PCSK5: variants seen among roughly 807,000 people sequenced by gnomAD.
The protein encoded by PCSK5 is prohormone convertase 5.
Under a neutral mutation model 233.2 loss-of-function variants are expected in PCSK5, and 129 were observed. The observed-to-expected ratio is 0.55, with a 90% CI of 0.48 to 0.64. PCSK5 has a LOEUF of 0.64. PCSK5 is among the 30% of genes least tolerant of loss of function. The pLI is 0.00. For missense variants in PCSK5, 2,076 were observed against 2,430.1 expected (o/e 0.85, Z 3.06); for synonymous variants, 825 against 879.2 (o/e 0.94, Z 1.09).
At chr9:75,977,841 C>T (rs1385392178) in intron 2 of PCSK5, among the ~76,000 whole-genome samples, 1 of 151,872 alleles carries the variant, frequency 6.6e-6, no homozygotes, top group Non-Finnish European at 1.5e-5. Context: ...CGAGCTCTGA[C>T]CTCAGATGAT....
At chr9:76,096,190 TACACACACAC>T (rs3074177) in intron 8 of PCSK5, 88 bp downstream of exon 8, 35 of 591,574 alleles carry the variant, frequency 5.9e-5, no homozygotes, top group Middle Eastern at 4.4e-4. Flanking sequence ...TATATATATA[TACACACACAC>T]ACACACACAC....
At chr9:76,252,123 C>T (rs1826829058) in intron 24 of PCSK5, among the ~76,000 whole-genome samples, 1 of 151,732 alleles carries the variant, frequency 6.6e-6, no homozygotes, top group African/African-American at 2.4e-5. Flanking sequence ...AAAACTTAGC[C>T]GGGCATGGTG....
intron 20 of PCSK5, among the ~76,000 whole-genome samples, chr9:76,221,679 C>T (rs1025012435): frequency 6.6e-6 from 1 of 152,170 alleles, no homozygotes; most frequent in Non-Finnish European, 1.5e-5. Flanking sequence ...GGTCAAGGGC[C>T]AAACGACGGT....
intron 11 of PCSK5, among the ~76,000 whole-genome samples, chr9:76,157,501 A>G (rs1385077964): frequency 6.6e-6 from 1 of 152,038 alleles, no homozygotes; most frequent in Non-Finnish European, 1.5e-5. Context: ...ACAACTCTAT[A>G]CTGCGTAGTT....
Position 76,181,493 on chromosome 9 carries a change from A to T in PCSK5, c.2099A>T (p.His700Leu). Residue 700 changes from histidine to leucine, a missense_variant, in exon 16 of 38, where the codon CAT becomes CTT. His to Leu is a moderately conservative substitution (Grantham distance 99). Coordinates refer to ENST00000674117, the MANE Select transcript of PCSK5 (RefSeq NM_001372043.1). Reference protein sequence around the residue: ...APNCESCFGSHGDQCMSCKYG... With the variant: ...APNCESCFGSLGDQCMSCKYG... Reference sequence around the variant, plus strand: ...AACTGTGAGTCCTGCTTTGGGAGCCATGGTGACCAATGCATGTCCTGCAAA... The same window carrying T: ...AACTGTGAGTCCTGCTTTGGGAGCCTTGGTGACCAATGCATGTCCTGCAAA... 1.2e-6 allele frequency: 2 copies of T among 1,614,100 alleles called. No homozygotes were observed. The highest frequency in any genetic ancestry group is 1.7e-6 in the Non-Finnish European group (2 of 1,179,966).
chr9:76,227,947 T>G (rs1170571695), intron 21 of PCSK5, among the ~76,000 whole-genome samples: 3 of 152,026 alleles, frequency 2.0e-5, no homozygotes, highest in Non-Finnish European at 4.4e-5. Context: ...TACTTATTTC[T>G]AGAGTCAGTT....
intron 1 of PCSK5, among the ~76,000 whole-genome samples, chr9:75,919,800 C>T (rs1304091098): frequency 1.3e-5 from 2 of 152,186 alleles, no homozygotes; most frequent in Non-Finnish European, 2.9e-5. Context: ...TCTGGGCCCA[C>T]TTTTGTGGTC....
chr9:75,893,650 A>G (rs1426184071), intron 1 of PCSK5, among the ~76,000 whole-genome samples: 1 of 152,174 alleles, frequency 6.6e-6, no homozygotes, highest in Admixed American at 6.5e-5. Flanking sequence ...ATGTCCTGCA[A>G]CCTCTGCTTG....
chr9:75,905,410 G>T (rs536643234), intron 1 of PCSK5, among the ~76,000 whole-genome samples: 2 of 152,292 alleles, frequency 1.3e-5, no homozygotes, highest in South Asian at 4.1e-4. Context: ...CCAGCTACTT[G>T]GCAAGCTGAG....
chr9:76,057,831 G>A (rs1829875600), intron 5 of PCSK5, among the ~76,000 whole-genome samples: 1 of 124,880 alleles, frequency 8.0e-6, no homozygotes, highest in African/African-American at 3.1e-5. Context: ...GTATTCAGGG[G>A]CTTTTTTTTT....
intron 37 of PCSK5, among the ~76,000 whole-genome samples, chr9:76,356,931 T>C (rs1303743126): frequency 6.6e-6 from 1 of 152,224 alleles, no homozygotes; most frequent in Non-Finnish European, 1.5e-5. Context: ...CAAATATTTA[T>C]GAAAAACCTA....
At chr9:76,099,039 A>G (rs1831651359) in intron 8 of PCSK5, among the ~76,000 whole-genome samples, 1 of 152,056 alleles carries the variant, frequency 6.6e-6, no homozygotes, top group African/African-American at 2.4e-5. Context: ...CTTTTCCCCA[A>G]TTTTTGCTTG....
At chr9:76,120,762 T>G (rs1427291531) in intron 9 of PCSK5, among the ~76,000 whole-genome samples, 4 of 152,088 alleles carry the variant, frequency 2.6e-5, no homozygotes, top group Non-Finnish European at 5.9e-5. Flanking sequence ...ATATTCTTAT[T>G]GGATAGTGGT....
chr9:76,219,886 C>T (rs1447512140), intron 20 of PCSK5, among the ~76,000 whole-genome samples: 1 of 152,184 alleles, frequency 6.6e-6, no homozygotes, highest in Non-Finnish European at 1.5e-5. Flanking sequence ...TTATTTCTGT[C>T]AACATGTATT....
chr9:76,116,402 G>A (rs1832425930), intron 9 of PCSK5, among the ~76,000 whole-genome samples: 2 of 152,096 alleles, frequency 1.3e-5, no homozygotes, highest in Admixed American at 1.3e-4. Flanking sequence ...CTAAGATGAA[G>A]TAAAAGTTTA....
chr9:76,354,042 T>A lies in PCSK5; in HGVS notation c.5077T>A (p.Phe1693Ile), dbSNP rs1830233587. ...GEYRVGEGEK[F>I]NCEKCHESCM... ...TGATTGCTCTTAACAGGGAGAGAAG[T>A]TTAACTGTGAAAAATGCCACGAGAG... Residue 1693 changes from phenylalanine to isoleucine, a missense_variant, in exon 37 of 38, where the codon TTT becomes ATT. Transcript: ENST00000674117. The A allele has an allele frequency of 6.2e-7, 1 of 1,608,276 alleles. No homozygotes were observed. Among genetic ancestry groups the A allele is most frequent in the Admixed American group, 1.7e-5 (1 of 59,414 alleles).
intron 24 of PCSK5, chr9:76,287,010 G>T: frequency 5.6e-6 from 1 of 179,780 alleles, no homozygotes; most frequent in South Asian, 1.2e-4. Context: ...TAAATAGGTA[G>T]AGATTATTTC....
intron 5 of PCSK5, among the ~76,000 whole-genome samples, chr9:76,046,539 C>A (rs1231724888): frequency 1.5e-5 from 2 of 131,866 alleles, no homozygotes; most frequent in African/African-American, 5.5e-5. Context: ...AACTCTAGTT[C>A]TTTTTTTTTC....
intron 1 of PCSK5, among the ~76,000 whole-genome samples, chr9:75,901,981 C>T (rs1453677165): frequency 6.6e-6 from 1 of 151,942 alleles, no homozygotes; most frequent in African/African-American, 2.4e-5. Context: ...TTTGGGAGGC[C>T]AAGGCGGGCA....
Sources: gnomAD v4.1 joint callset for allele counts (sites outside exome capture counted in the v4.1 genomes callset) on GRCh38, gnomAD v4.1.1 for gene constraint, MANE v1.5 for transcripts, NCBI Gene and HGNC (gene_info 2026-07-23, HGNC 2026-07-21) for gene names.